The following NLGN4Y variants were observed in gnomAD, a reference collection of about 807,000 sequenced individuals.
The protein encoded by NLGN4Y is neuroligin-4, Y-linked.
Under a neutral mutation model 8.4 loss-of-function variants are expected in NLGN4Y, and 4 were observed. The ratio of observed to expected loss-of-function variants is 0.48; its 90% CI spans 0.23 to 1.09. The LOEUF (loss-of-function observed/expected upper bound fraction) is 1.09, where lower values mean the gene tolerates loss of function less well. Ranked by LOEUF, NLGN4Y falls within the 50% of genes least tolerant of loss-of-function variation. NLGN4Y has a pLI of 0.19. For missense variants in NLGN4Y, 90 were observed against 192.3 expected (o/e 0.47, Z 3.15); for synonymous variants, 35 against 75.6 (o/e 0.46, Z 2.78).
At chrY:14,527,231 A>G in intron 1 of NLGN4Y, among the ~76,000 whole-genome samples, 1 of 34,096 alleles carries the variant, frequency 2.9e-5, no homozygotes, top group Non-Finnish European at 7.3e-5. Flanking sequence ...AACTTTGAAT[A>G]TTGTCAATAA....
intron 1 of NLGN4Y, among the ~76,000 whole-genome samples, chrY:14,615,062 A>G: frequency 3.0e-5 from 1 of 33,043 alleles, no homozygotes; most frequent in Non-Finnish European, 7.4e-5. Context: ...TATTCTTCCT[A>G]TCCATGAGCA....
rs754212632 is a variant in NLGN4Y, at chrY:14,538,519, A to T, written c.-112+13811A>T. 2.3e-4 allele frequency among the ~76,000 whole-genome samples: 8 copies of T among 34,106 alleles called. No individual in the cohort carries two copies. The South Asian group carries it at 4.5e-3, about 19-fold the overall frequency. 91.5% of individuals were successfully genotyped at this position (34,106 alleles called of 37,273 possible). A position where few individuals can be genotyped will look rare whatever the true frequency, so the allele number is the denominator to read the frequency against. ...GCATTAAAAGCTGCATTTGATGGTAACTCATTTTGTTTTATGAGTTATGAT... is the reference window on the plus strand; with the variant it reads ...GCATTAAAAGCTGCATTTGATGGTATCTCATTTTGTTTTATGAGTTATGAT... On this transcript the variant is annotated intron_variant, in intron 1 of 6. Transcript: ENST00000684976.
chrY:14,656,907 G>C (rs2080655921), intron 2 of NLGN4Y, among the ~76,000 whole-genome samples: 1 of 31,600 alleles, frequency 3.2e-5, no homozygotes, highest in Admixed American at 2.9e-4. Flanking sequence ...GTAACACCTA[G>C]TAAGTTCAAA....
chrY:14,522,899 T>A, upstream of NLGN4Y: 1 of 32,873 alleles, frequency 3.0e-5, no homozygotes, highest in Non-Finnish European at 7.4e-5. Flanking sequence ...TTTGGATGTG[T>A]AAAAAGAACT....
At chrY:14,600,698 T>A in intron 1 of NLGN4Y, among the ~76,000 whole-genome samples, 1 of 32,935 alleles carries the variant, frequency 3.0e-5, no homozygotes, top group Non-Finnish European at 7.5e-5. Flanking sequence ...AGCCTGCTAA[T>A]ATAGATTATG....
intron 2 of NLGN4Y, among the ~76,000 whole-genome samples, chrY:14,670,010 A>C: frequency 2.9e-5 from 1 of 34,521 alleles, no homozygotes; most frequent in South Asian, 6.3e-4. Flanking sequence ...CACATATGCA[A>C]TTTAAAAATG....
chrY:14,775,372 G>A, intron 4 of NLGN4Y, among the ~76,000 whole-genome samples: 2 of 32,018 alleles, frequency 6.2e-5, no homozygotes, highest in Admixed American at 2.9e-4. Context: ...TTCTGGAGAC[G>A]TATTTTGGGG....
At chrY:14,692,852 T>C (rs2080815682) in intron 2 of NLGN4Y, among the ~76,000 whole-genome samples, 2 of 33,511 alleles carry the variant, frequency 6.0e-5, no homozygotes. Flanking sequence ...AGCTAAGGAA[T>C]GTCTCCATCT....
At chrY:14,531,412 G>A in intron 1 of NLGN4Y, among the ~76,000 whole-genome samples, 1 of 31,714 alleles carries the variant, frequency 3.2e-5, no homozygotes, top group Non-Finnish European at 7.6e-5. Context: ...ATCTTCAATA[G>A]CTGTTTAATA....
intron 4 of NLGN4Y, among the ~76,000 whole-genome samples, chrY:14,723,776 G>A: frequency 3.0e-5 from 1 of 32,843 alleles, no homozygotes; most frequent in Admixed American, 2.7e-4. Context: ...TTATGTTGAG[G>A]CTTTGGAAGA....
chrY:14,656,450 G>C (rs2080651513), intron 2 of NLGN4Y, among the ~76,000 whole-genome samples: 1 of 30,751 alleles, frequency 3.3e-5, no homozygotes, highest in Non-Finnish European at 7.8e-5. Flanking sequence ...AGCTCGGTGT[G>C]GGGGTGCAGG....
At chrY:14,657,664 G>A in intron 2 of NLGN4Y, among the ~76,000 whole-genome samples, 1 of 32,142 alleles carries the variant, frequency 3.1e-5, no homozygotes, top group African/African-American at 1.2e-4. Flanking sequence ...TGTACTCTGT[G>A]AAAAGATGTC....
At chrY:14,580,877 GAAAAAAA>G (rs748606939) in intron 1 of NLGN4Y, among the ~76,000 whole-genome samples, 110 of 3,092 alleles carry the variant, frequency 0.036, no homozygotes, top group Middle Eastern at 0.33. Context: ...CATCTGTATG[GAAAAAAA>G]AAAAAAAAAA....
At chrY:14,674,762 G>A in intron 2 of NLGN4Y, among the ~76,000 whole-genome samples, 1 of 33,130 alleles carries the variant, frequency 3.0e-5, no homozygotes. Context: ...CTCCATGCCA[G>A]GTGCCATGTG....
intron 1 of NLGN4Y, among the ~76,000 whole-genome samples, chrY:14,537,796 G>T (rs760836308): frequency 3.0e-5 from 1 of 33,405 alleles, no homozygotes; most frequent in Admixed American, 2.7e-4. Flanking sequence ...GCCAGGTGTG[G>T]TGTCATGCAC....
chrY:14,644,233 A>G, intron 2 of NLGN4Y, among the ~76,000 whole-genome samples: 1 of 32,855 alleles, frequency 3.0e-5, no homozygotes, highest in Non-Finnish European at 7.4e-5. Context: ...TAGAGGGGAA[A>G]TTGCACAACT....
chrY:14,798,177 TACTC>T (rs2043019102), intron 4 of NLGN4Y, among the ~76,000 whole-genome samples: 1 of 33,820 alleles, frequency 3.0e-5, no homozygotes, highest in African/African-American at 1.1e-4. Flanking sequence ...GTCTGATTCT[TACTC>T]ATTCATGACT....
chrY:14,707,091 GTA>G (rs1460684278), intron 2 of NLGN4Y, among the ~76,000 whole-genome samples: 44 of 3,863 alleles, frequency 0.011, no homozygotes, highest in East Asian at 0.027. Flanking sequence ...AATTTTATGT[GTA>G]TATATATATA....
At chrY:14,805,872 C>T in intron 4 of NLGN4Y, among the ~76,000 whole-genome samples, 1 of 34,481 alleles carries the variant, frequency 2.9e-5, no homozygotes, top group African/African-American at 1.1e-4. Flanking sequence ...TGGTGGCTCA[C>T]GCCTGTAATC....
Sources: allele counts gnomAD v4.1 joint callset (sites outside exome capture counted in the v4.1 genomes callset), GRCh38; gene constraint gnomAD v4.1.1; transcripts MANE v1.5; gene names NCBI Gene and HGNC (gene_info 2026-07-23, HGNC 2026-07-21).